XIRP2: variants seen among roughly 807,000 people sequenced by gnomAD.
The protein encoded by XIRP2 is xin actin binding repeat containing 2.
A neutral mutation model predicts 277.0 loss-of-function variants in XIRP2; 236 were observed. That is an observed-to-expected ratio of 0.85 (90% CI 0.77 to 0.95). The LOEUF (loss-of-function observed/expected upper bound fraction) is 0.95, where lower values mean the gene tolerates loss of function less well. XIRP2 is among the 40% of genes least tolerant of loss of function. The pLI is 0.00. For missense variants in XIRP2, 4,640 were observed against 4,157.5 expected, an observed-to-expected ratio of 1.12 and a Z score of -3.19; for synonymous variants, 1,490 against 1,416.5, an observed-to-expected ratio of 1.05 and a Z score of -1.17.
At position 167,246,274 on chromosome 2, in the gene XIRP2, G is replaced by T; in HGVS notation, c.4882G>T (p.Glu1628Ter). The T allele has an allele frequency of 6.2e-7, 1 of 1,613,414 alleles. No homozygotes were observed. Among genetic ancestry groups the T allele is most frequent in the Non-Finnish European group, 8.5e-7 (1 of 1,179,698 alleles). Residue 1628 changes from glutamate (E) to a stop codon, truncating the protein, a stop_gained, in exon 9 of 11, where the codon GAA (glutamate) becomes TAA (stop). Transcript: ENST00000409195. LOFTEE classifies it high-confidence loss of function. The stretch of plus-strand genomic sequence containing the variant: ...TGAAAGAGAGATTTTGATTAGTGAA[G>T]AAGAGAAGGGAAATGTTAATTTGAC... Reference protein sequence around the residue: ...CTEREILISEEEKGNVNLTKT... With the variant: ...CTEREILISE
At chr2:166,908,692 T>C (rs1024053587) in intron 2 of XIRP2, among the ~76,000 whole-genome samples, 2 of 152,234 alleles carry the variant, frequency 1.3e-5, no homozygotes, top group Non-Finnish European at 2.9e-5. Flanking sequence ...TCCTTGCCCA[T>C]GCCTATGTCC....
chr2:167,042,761 G>C (rs956218108), intron 2 of XIRP2, among the ~76,000 whole-genome samples: 3 of 152,080 alleles, frequency 2.0e-5, no homozygotes, highest in African/African-American at 7.2e-5. Flanking sequence ...ATAATAGTTG[G>C]ATATTTGAAG....
At chr2:167,089,728 A>G (rs1041612926) in intron 2 of XIRP2, among the ~76,000 whole-genome samples, 1 of 152,184 alleles carries the variant, frequency 6.6e-6, no homozygotes, top group Non-Finnish European at 1.5e-5. Flanking sequence ...AACAGGGGTT[A>G]GCAAACTTTT....
At chr2:167,153,365 G>GT (rs75061070) in intron 3 of XIRP2, among the ~76,000 whole-genome samples, 6,138 of 147,836 alleles carry the variant, frequency 0.042, 126 homozygotes, top group Non-Finnish European at 0.052. Flanking sequence ...AAATAGTAAA[G>GT]TTTTTTTTTT....
At chr2:167,060,143 A>T (rs1689142173) in intron 2 of XIRP2, among the ~76,000 whole-genome samples, 1 of 152,194 alleles carries the variant, frequency 6.6e-6, no homozygotes, top group Non-Finnish European at 1.5e-5. Context: ...TTTATAAATC[A>T]CTAAAATTTC....
At chr2:166,987,839 T>C (rs1378634016) in intron 2 of XIRP2, among the ~76,000 whole-genome samples, 2 of 152,184 alleles carry the variant, frequency 1.3e-5, no homozygotes, top group African/African-American at 2.4e-5. Flanking sequence ...TAGTAACAGA[T>C]TGTAGCCAAT....
intron 2 of XIRP2, among the ~76,000 whole-genome samples, chr2:167,133,919 T>A (rs968733796): frequency 2.0e-5 from 3 of 152,138 alleles, no homozygotes; most frequent in African/African-American, 7.2e-5. Flanking sequence ...ACATATGGAT[T>A]TTTTGTAATA....
intron 2 of XIRP2, among the ~76,000 whole-genome samples, chr2:167,059,399 A>G (rs994091702): frequency 6.6e-6 from 1 of 150,880 alleles, no homozygotes; most frequent in Non-Finnish European, 1.5e-5. Context: ...GGGGTGAACC[A>G]CCACGCCTGG....
chr2:167,036,560 T>G lies in XIRP2; in HGVS notation c.409-99349T>G, dbSNP rs373935190. Among the ~76,000 whole-genome samples the G allele has an allele frequency of 2.0e-5, 3 of 152,318 alleles. No homozygotes were observed. In the East Asian group the frequency reaches 5.8e-4, roughly 29 times the overall value. ...TATCTAGGGAGTAACTAGCTTGCTT[T>G]GATTTTACAGGCTCATAGGCAGAAG... On this transcript the variant is annotated intron_variant, in intron 2 of 10. Transcript: ENST00000409195.
chr2:167,051,966 T>C (rs560945230), intron 2 of XIRP2, among the ~76,000 whole-genome samples: 1 of 152,224 alleles, frequency 6.6e-6, no homozygotes, highest in South Asian at 2.1e-4. Flanking sequence ...TCTCATTAAT[T>C]TGATTAACTT....
chr2:167,123,449 G>A (rs1007319838), intron 2 of XIRP2, among the ~76,000 whole-genome samples: 9 of 152,296 alleles, frequency 5.9e-5, no homozygotes, highest in East Asian at 3.9e-4. Context: ...TAGGGGTGCC[G>A]TAACAAAATG....
intron 3 of XIRP2, among the ~76,000 whole-genome samples, chr2:167,188,688 T>C (rs1573942811): frequency 6.6e-6 from 1 of 152,224 alleles, no homozygotes; most frequent in East Asian, 1.9e-4. Context: ...GAGTATTTTT[T>C]CTTCTTGCTA....
intron 2 of XIRP2, among the ~76,000 whole-genome samples, chr2:167,012,081 G>A (rs1687694794): frequency 1.3e-5 from 2 of 151,898 alleles, no homozygotes; most frequent in African/African-American, 4.8e-5. Flanking sequence ...TCTGATTTTA[G>A]TTATTTCTTG....
intron 2 of XIRP2, among the ~76,000 whole-genome samples, chr2:167,049,787 A>G (rs933900767): frequency 1.3e-5 from 2 of 152,088 alleles, no homozygotes; most frequent in African/African-American, 4.8e-5. Flanking sequence ...GAGAACTGCA[A>G]TGAGAAAACA....
intron 2 of XIRP2, among the ~76,000 whole-genome samples, chr2:167,062,650 T>G (rs1278142832): frequency 1.3e-5 from 2 of 152,176 alleles, no homozygotes; most frequent in Non-Finnish European, 2.9e-5. Context: ...GCCTTGAGTC[T>G]TCTTTGTGGA....
intron 2 of XIRP2, among the ~76,000 whole-genome samples, chr2:167,066,817 C>A (rs897859742): frequency 6.6e-6 from 1 of 151,994 alleles, no homozygotes; most frequent in African/African-American, 2.4e-5. Flanking sequence ...GCAAAGGTAG[C>A]CCTGTTATAT....
rs528217487 is a variant in XIRP2, at chr2:167,259,310, C to T, written c.*1493C>T. Reference sequence around the variant, plus strand: ...CAGAGTGGAGGTGCAGTCAGAACAACTCACGGTGGAAGAGCAGATTAAAAG... The same window carrying T: ...CAGAGTGGAGGTGCAGTCAGAACAATTCACGGTGGAAGAGCAGATTAAAAG... On this transcript the variant is annotated 3_prime_UTR_variant, in exon 11 of 11. Coordinates refer to ENST00000409195, the MANE Select transcript of XIRP2 (RefSeq NM_152381.6). 3.3e-5 allele frequency: 54 copies of T among 1,612,770 alleles called. No homozygotes were observed. In the South Asian group the frequency reaches 5.4e-4, roughly 16 times the overall value.
At chr2:167,160,591 AT>A (rs2105339997) in intron 3 of XIRP2, among the ~76,000 whole-genome samples, 1 of 152,268 alleles carries the variant, frequency 6.6e-6, no homozygotes, top group Admixed American at 6.5e-5. Flanking sequence ...TTTTAAAACC[AT>A]CAGATCTCGT....
At chr2:166,928,290 G>T (rs1000838772) in intron 2 of XIRP2, among the ~76,000 whole-genome samples, 2 of 152,064 alleles carry the variant, frequency 1.3e-5, no homozygotes, top group African/African-American at 4.8e-5. Context: ...GGGTTTATGG[G>T]GAGCCATAGT....
Sources: gnomAD v4.1 joint callset for allele counts (sites outside exome capture counted in the v4.1 genomes callset) on GRCh38, gnomAD v4.1.1 for gene constraint, MANE v1.5 for transcripts, NCBI Gene and HGNC (gene_info 2026-07-23, HGNC 2026-07-21) for gene names.